POFUT3: variants seen among roughly 807,000 people sequenced by gnomAD.
POFUT3 encodes the protein protein O-fucosyltransferase 3.
the POFUT3 span, among the ~76,000 whole-genome samples, chr8:33,419,124 G>C: frequency 6.6e-6 from 1 of 152,208 alleles, no homozygotes; most frequent in African/African-American, 2.4e-5. Context: ...TACAAACACA[G>C]AATGAGGTAG....
the POFUT3 span, among the ~76,000 whole-genome samples, chr8:33,322,343 G>T: frequency 1.3e-5 from 2 of 152,062 alleles, no homozygotes. Flanking sequence ...AATCTCCCAT[G>T]ATGCACCAGC....
the POFUT3 span, among the ~76,000 whole-genome samples, chr8:33,311,731 T>C: frequency 2.6e-5 from 4 of 152,090 alleles, no homozygotes; most frequent in Non-Finnish European, 5.9e-5. Flanking sequence ...CAAAAGTCAG[T>C]GGGGGAGGCA....
At chr8:33,433,440 G>A in the POFUT3 span, among the ~76,000 whole-genome samples, 7 of 151,252 alleles carry the variant, frequency 4.6e-5, no homozygotes, top group African/African-American at 9.7e-5. Context: ...GTGAAACCCC[G>A]TCTCTACTAA....
At chr8:33,309,170 ATAT>A in the POFUT3 span, among the ~76,000 whole-genome samples, 6 of 41,920 alleles carry the variant, frequency 1.4e-4, no homozygotes, top group Admixed American at 6.5e-4. Flanking sequence ...AAAAAAAAAT[ATAT>A]ATATATATAT....
the POFUT3 span, among the ~76,000 whole-genome samples, chr8:33,340,864 A>G: frequency 1.3e-5 from 2 of 152,220 alleles, no homozygotes; most frequent in Non-Finnish European, 2.9e-5. Flanking sequence ...TCTTTTCTCA[A>G]CAGTTGACAG....
the POFUT3 span, among the ~76,000 whole-genome samples, chr8:33,405,241 C>T: frequency 3.3e-5 from 5 of 151,638 alleles, no homozygotes; most frequent in Non-Finnish European, 7.4e-5. Flanking sequence ...TGCAGTGAGC[C>T]GAGATTGTGC....
At chr8:33,312,398 A>C in the POFUT3 span, among the ~76,000 whole-genome samples, 4 of 152,154 alleles carry the variant, frequency 2.6e-5, no homozygotes, top group Admixed American at 6.5e-5. Context: ...GATTACCAGC[A>C]ATCACCAGAA....
chr8:33,349,066 G>A, the POFUT3 span, among the ~76,000 whole-genome samples: 4 of 152,356 alleles, frequency 2.6e-5, no homozygotes, highest in African/African-American at 7.2e-5. Context: ...GAGGAGATCC[G>A]TGGAGCCTAA....
chr8:33,331,554 G>T, the POFUT3 span, among the ~76,000 whole-genome samples: 435 of 152,220 alleles, frequency 2.9e-3, 2 homozygotes, highest in Non-Finnish European at 4.2e-3. Context: ...GGGGGCAGTG[G>T]CTCACACCTG....
At chr8:33,470,078 C>A in the POFUT3 span, among the ~76,000 whole-genome samples, 2 of 151,496 alleles carry the variant, frequency 1.3e-5, no homozygotes, top group Non-Finnish European at 2.9e-5. Flanking sequence ...CAGGTGTGAG[C>A]CATGGCGCCC....
the POFUT3 span, among the ~76,000 whole-genome samples, chr8:33,354,827 T>C: frequency 0.03 from 4,504 of 152,306 alleles, 93 homozygotes; most frequent in Non-Finnish European, 0.045. Flanking sequence ...CTGAGACTTA[T>C]GTGGGGAGGA....
chr8:33,309,123 A>T, the POFUT3 span, among the ~76,000 whole-genome samples: 2 of 110,486 alleles, frequency 1.8e-5, no homozygotes, highest in Non-Finnish European at 3.4e-5. Context: ...TGAATCCTCC[A>T]TAGTCTGGGG....
At chr8:33,311,634 G>A in the POFUT3 span, among the ~76,000 whole-genome samples, 4 of 152,172 alleles carry the variant, frequency 2.6e-5, no homozygotes, top group Admixed American at 6.6e-5. Flanking sequence ...CAAGGTTAAA[G>A]TTTGGGAAAG....
At chr8:33,395,426 T>C in the POFUT3 span, among the ~76,000 whole-genome samples, 2 of 151,842 alleles carry the variant, frequency 1.3e-5, no homozygotes, top group South Asian at 2.1e-4. Context: ...CCAGGGACGA[T>C]TGGAGAGGAG....
chr8:33,393,513 G>C, the POFUT3 span, among the ~76,000 whole-genome samples: 1 of 152,242 alleles, frequency 6.6e-6, no homozygotes, highest in Admixed American at 6.5e-5. Context: ...AGGAGCCTGA[G>C]AGTGACATAC....
the POFUT3 span, among the ~76,000 whole-genome samples, chr8:33,455,283 T>C: frequency 6.6e-6 from 1 of 152,286 alleles, no homozygotes; most frequent in Non-Finnish European, 1.5e-5. Context: ...ACTGGACAGC[T>C]TGGACATCAG....
At chr8:33,310,911 A>T in the POFUT3 span, among the ~76,000 whole-genome samples, 2 of 152,226 alleles carry the variant, frequency 1.3e-5, no homozygotes, top group African/African-American at 4.8e-5. Context: ...CTTATAATAC[A>T]GAATGTCCTC....
chr8:33,396,349 T>C, the POFUT3 span, among the ~76,000 whole-genome samples: 1 of 152,198 alleles, frequency 6.6e-6, no homozygotes, highest in African/African-American at 2.4e-5. Flanking sequence ...TTCCCACTGT[T>C]TGAAATACCT....
At chr8:33,374,878 C>CTTTT in the POFUT3 span, among the ~76,000 whole-genome samples, 1 of 141,560 alleles carries the variant, frequency 7.1e-6, no homozygotes, top group Non-Finnish European at 1.5e-5. Flanking sequence ...CTTTTCTTTT[C>CTTTT]TTTTTTTTTT....
Sources: allele counts gnomAD v4.1 joint callset (sites outside exome capture counted in the v4.1 genomes callset), GRCh38; gene constraint gnomAD v4.1.1; transcripts MANE v1.5; gene names NCBI Gene and HGNC (gene_info 2026-07-23, HGNC 2026-07-21).